DLGAP2: variants seen among roughly 807,000 people sequenced by gnomAD.
DLGAP2 encodes disks large-associated protein 2.
A neutral mutation model predicts 100.3 loss-of-function variants in DLGAP2; 26 were observed. The ratio of observed to expected loss-of-function variants is 0.26; its 90% CI spans 0.19 to 0.36. DLGAP2 has a LOEUF of 0.36. Ranked by LOEUF, DLGAP2 falls within the 10% of genes least tolerant of loss-of-function variation. DLGAP2 has a pLI of 1.00. For missense variants in DLGAP2, 1,858 were observed against 1,453.2 expected, an observed-to-expected ratio of 1.28 and a Z score of -4.53; for synonymous variants, 886 against 630.1, an observed-to-expected ratio of 1.41 and a Z score of -6.08.
At chr8:1,246,471 C>A (rs1798902870) in intron 2 of DLGAP2, among the ~76,000 whole-genome samples, 1 of 152,198 alleles carries the variant, frequency 6.6e-6, no homozygotes, top group South Asian at 2.1e-4. Context: ...TCCTCAGCCT[C>A]CTCTCACTGA....
At chr8:1,144,787 C>G (rs1186804282) in intron 2 of DLGAP2, among the ~76,000 whole-genome samples, 1 of 152,136 alleles carries the variant, frequency 6.6e-6, no homozygotes, top group African/African-American at 2.4e-5. Flanking sequence ...TACCCACAGT[C>G]AAACCACAGA....
At chr8:1,233,007 T>G (rs2116837585) in intron 2 of DLGAP2, among the ~76,000 whole-genome samples, 1 of 152,322 alleles carries the variant, frequency 6.6e-6, no homozygotes, top group Non-Finnish European at 1.5e-5. Context: ...GCTGAACATT[T>G]CATAGGAATA....
intron 2 of DLGAP2, among the ~76,000 whole-genome samples, chr8:923,521 T>A (rs2129001891): frequency 6.6e-6 from 1 of 152,320 alleles, no homozygotes; most frequent in South Asian, 2.1e-4. Context: ...AAGCTACAGT[T>A]CCTGAAGTTG....
intron 2 of DLGAP2, among the ~76,000 whole-genome samples, chr8:1,208,567 C>A (rs761222576): frequency 2.6e-5 from 4 of 152,066 alleles, no homozygotes; most frequent in Non-Finnish European, 5.9e-5. Flanking sequence ...AGAACTGGAA[C>A]AAGACAAGGA....
intron 6 of DLGAP2, among the ~76,000 whole-genome samples, chr8:1,579,318 C>T (rs73174719): frequency 6.6e-6 from 1 of 151,948 alleles, no homozygotes. Context: ...TATATACACA[C>T]ACATATATGT....
At chr8:1,028,325 T>C (rs1266566036) in intron 2 of DLGAP2, among the ~76,000 whole-genome samples, 1 of 141,566 alleles carries the variant, frequency 7.1e-6, no homozygotes, top group Non-Finnish European at 1.5e-5. Context: ...GCGCCCGTTA[T>C]TCTCCAGGTC....
intron 3 of DLGAP2, among the ~76,000 whole-genome samples, chr8:1,293,749 G>C (rs987276144): frequency 6.6e-6 from 1 of 152,102 alleles, no homozygotes; most frequent in Non-Finnish European, 1.5e-5. Context: ...TTAACATTTC[G>C]GAGCTGGGGC....
At chr8:1,550,835 G>A (rs1378911473) in intron 5 of DLGAP2, among the ~76,000 whole-genome samples, 2 of 152,162 alleles carry the variant, frequency 1.3e-5, no homozygotes, top group Non-Finnish European at 1.5e-5. Context: ...TCCATCAGTC[G>A]ATAGCGCTGT....
chr8:1,436,563 G>A (rs900275792), intron 3 of DLGAP2, among the ~76,000 whole-genome samples: 1 of 152,120 alleles, frequency 6.6e-6, no homozygotes, highest in African/African-American at 2.4e-5. Flanking sequence ...ATCCAATCAG[G>A]TTGACACTCC....
In DLGAP2 at chr8:1,203,371, G is replaced by A. The variant is rs565456393; in HGVS notation, c.74-55480G>A. On this transcript the variant is annotated intron_variant, in intron 2 of 14. Transcript: ENST00000637795. ...CGGTGTTAGAATCCATGAGACTGGC[G>A]TGTCCTTCGGTGACGAGGCCGCCCA... Among the ~76,000 whole-genome samples the A allele has an allele frequency of 5.3e-5, 8 of 151,742 alleles. 1 individual carries two copies. Among genetic ancestry groups the A allele is most frequent in the Non-Finnish European group, 8.8e-5 (6 of 67,884 alleles).
intron 8 of DLGAP2, among the ~76,000 whole-genome samples, chr8:1,664,199 G>T (rs1442963985): frequency 6.6e-6 from 1 of 152,180 alleles, no homozygotes; most frequent in South Asian, 2.1e-4. Context: ...CTACAGGACA[G>T]GCCGTGTCAC....
intron 2 of DLGAP2, among the ~76,000 whole-genome samples, chr8:1,021,940 G>A (rs1332443599): frequency 6.6e-6 from 1 of 152,138 alleles, no homozygotes; most frequent in Non-Finnish European, 1.5e-5. Flanking sequence ...CTCTCTTGAT[G>A]TTAGCGCCAG....
chr8:928,049 A>T (rs950969530), intron 2 of DLGAP2, among the ~76,000 whole-genome samples: 1 of 152,186 alleles, frequency 6.6e-6, no homozygotes, highest in East Asian at 1.9e-4. Flanking sequence ...ACGGGACCAG[A>T]GTTCCCTGCC....
rs1471072199 is a variant in DLGAP2, at chr8:1,612,695, GA to G, written c.1443-14038del. Among the ~76,000 whole-genome samples the G allele has an allele frequency of 9.3e-4, 108 of 115,672 alleles. 1 individual carries two copies. Among genetic ancestry groups the G allele is most frequent in the African/African-American group, 3.3e-3 (98 of 29,890 alleles). The allele number at this position is 115,672 out of a possible 152,430, so 75.9% of individuals were successfully genotyped here. On this transcript the variant is annotated intron_variant, in intron 6 of 14. Transcript: ENST00000637795. ...ACAATGAACTCAAACAAATTTACAA[GA>G]AAAAAACAAACAACCCCATCAAAAA...
chr8:1,516,518 A>G (rs1800393761), intron 4 of DLGAP2, among the ~76,000 whole-genome samples: 1 of 149,472 alleles, frequency 6.7e-6, no homozygotes, highest in Non-Finnish European at 1.5e-5. Context: ...TGAGTTCATG[A>G]ATCAGTCAGT....
At chr8:1,087,865 G>A (rs1156501365) in intron 2 of DLGAP2, among the ~76,000 whole-genome samples, 1 of 152,194 alleles carries the variant, frequency 6.6e-6, no homozygotes, top group African/African-American at 2.4e-5. Flanking sequence ...GCAAAGCTCT[G>A]GATCCTTCTG....
chr8:1,386,487 C>A (rs1796223582), intron 3 of DLGAP2, among the ~76,000 whole-genome samples: 1 of 152,156 alleles, frequency 6.6e-6, no homozygotes, highest in African/African-American at 2.4e-5. Context: ...TGCAGAATTC[C>A]CTCCAGAATC....
At chr8:1,271,624 A>G in intron 3 of DLGAP2, among the ~76,000 whole-genome samples, 1 of 152,188 alleles carries the variant, frequency 6.6e-6, no homozygotes, top group Non-Finnish European at 1.5e-5. Context: ...GATGATGAAT[A>G]TTGATCTACT....
intron 1 of DLGAP2, among the ~76,000 whole-genome samples, chr8:844,961 C>G (rs1202464985): frequency 6.6e-6 from 1 of 152,212 alleles, no homozygotes; most frequent in African/African-American, 2.4e-5. Context: ...ACTTCTTTCA[C>G]TTAGCATAAT....
Sources: gnomAD v4.1 joint callset for allele counts (sites outside exome capture counted in the v4.1 genomes callset) on GRCh38, gnomAD v4.1.1 for gene constraint, MANE v1.5 for transcripts, NCBI Gene and HGNC (gene_info 2026-07-23, HGNC 2026-07-21) for gene names.